NDUFA10: variants seen among roughly 807,000 people sequenced by gnomAD.
The protein encoded by NDUFA10 is NADH dehydrogenase [ubiquinone] 1 alpha subcomplex subunit 10, mitochondrial.
NDUFA10 carries 40 observed loss-of-function variants against 47.8 expected under a neutral mutation model. That is an observed-to-expected ratio of 0.84 (90% confidence interval 0.65 to 1.09). NDUFA10 has a LOEUF of 1.09. Among genes scored for constraint, NDUFA10 ranks in the 50% least tolerant of loss-of-function variants. NDUFA10 has a pLI of 0.00. For missense variants in NDUFA10, 413 were observed against 451.1 expected, an observed-to-expected ratio of 0.92 and a Z score of 0.76; for synonymous variants, 183 against 172.2, an observed-to-expected ratio of 1.06 and a Z score of -0.49.
intron 8 of NDUFA10, among the ~76,000 whole-genome samples, chr2:239,990,904 T>C (rs1270946191): frequency 1.3e-5 from 2 of 152,104 alleles, no homozygotes; most frequent in African/African-American, 2.4e-5. Context: ...TTTCAGCTTT[T>C]GGAAAAAAAA....
At chr2:239,905,937 G>A (rs907576297) in intron 4 of NDUFA10, among the ~76,000 whole-genome samples, 2 of 151,932 alleles carry the variant, frequency 1.3e-5, no homozygotes, top group Non-Finnish European at 2.9e-5. Context: ...GTGGAGGCCG[G>A]CCTCCCCTAT....
At chr2:239,936,187 G>A (rs1332092876) in intron 4 of NDUFA10, among the ~76,000 whole-genome samples, 1 of 152,204 alleles carries the variant, frequency 6.6e-6, no homozygotes, top group Non-Finnish European at 1.5e-5. Flanking sequence ...GCGGAGGTGT[G>A]GGCAGCAGAT....
rs1035838296 is a variant in NDUFA10 at position 239,961,654 on chromosome 2, G to A, written c.1000-468C>T. ...GAAGAGGGCCTGCAGAGGCCGGGCC[G>A]CTGGCTGTAAGGGGCCCTTGGCGGA... On this transcript the variant is annotated intron_variant, in intron 9 of 9. Transcript: ENST00000252711. 3.9e-5 allele frequency among the ~76,000 whole-genome samples: 6 copies of A among 152,336 alleles called. 1 individual carries two copies. In the South Asian group the frequency reaches 1.0e-3, roughly 26 times the overall value.
intron 4 of NDUFA10, among the ~76,000 whole-genome samples, chr2:239,912,966 G>A (rs547391514): frequency 2.6e-5 from 4 of 152,300 alleles, no homozygotes; most frequent in East Asian, 1.9e-4. Flanking sequence ...GTCAACATGC[G>A]TATTCTCCTC....
At chr2:239,997,658 A>T (rs1252636855) in intron 8 of NDUFA10, among the ~76,000 whole-genome samples, 3 of 152,248 alleles carry the variant, frequency 2.0e-5, no homozygotes, top group Non-Finnish European at 4.4e-5. Context: ...TGTATTATGA[A>T]CATGAAGAAA....
intron 4 of NDUFA10, among the ~76,000 whole-genome samples, chr2:239,920,217 G>T (rs1693945497): frequency 6.6e-6 from 1 of 152,234 alleles, no homozygotes. Context: ...CAGCAGGAAG[G>T]TGGGGAGAGG....
chr2:239,986,499 G>A (rs1696007834), intron 9 of NDUFA10, among the ~76,000 whole-genome samples: 1 of 152,206 alleles, frequency 6.6e-6, no homozygotes, highest in Non-Finnish European at 1.5e-5. Flanking sequence ...CACTGGAACT[G>A]AAGACACTGG....
At position 239,945,841 on chromosome 2, in the gene NDUFA10, C is replaced by A. The variant is rs1218493083; in HGVS notation, c.294+44233G>T. On this transcript the variant is annotated intron_variant, in intron 4 of 5. Transcript: ENST00000419408. The surrounding 1 kb of genome is among the most constrained non-coding windows in gnomAD (Gnocchi z 4.6). Reference sequence around the variant, plus strand: ...AAGGCCGTCCCCAGGCTTCAAGGGCCCACAGGGCTCCGGGACTGCAAGCCA... The same window carrying A: ...AAGGCCGTCCCCAGGCTTCAAGGGCACACAGGGCTCCGGGACTGCAAGCCA... Among the ~76,000 whole-genome samples the A allele has an allele frequency of 2.0e-5, 2 of 100,614 alleles. No individual in the cohort carries two copies. The highest frequency in any genetic ancestry group is 7.2e-5 in the African/African-American group (2 of 27,964). 66.0% of individuals were successfully genotyped at this position (100,614 alleles called of 152,430 possible).
rs1215087594 is a variant in NDUFA10, at chr2:240,011,818, T to C, written c.670-122A>G. The C allele has an allele frequency of 1.5e-5, 13 of 839,020 alleles. No homozygotes were observed. In the South Asian group the frequency reaches 1.6e-4, roughly 10 times the overall value. The allele number at this position is 839,020 out of a possible 1,614,324, so 52.0% of individuals were successfully genotyped here. A position where few individuals can be genotyped will look rare whatever the true frequency, so the allele number is the denominator to read the frequency against. ...TTTTCTTACAACTCACACCGGGCAC[T>C]GTGGGGACTGCGGGGTGACAGCAAA... On this transcript the variant is annotated intron_variant, in intron 5 of 9. Coordinates refer to ENST00000252711, the MANE Select transcript of NDUFA10 (RefSeq NM_004544.4).
chr2:239,966,193 C>T (rs1367197154), intron 9 of NDUFA10, among the ~76,000 whole-genome samples: 3 of 152,178 alleles, frequency 2.0e-5, no homozygotes, highest in Non-Finnish European at 2.9e-5. Flanking sequence ...CACTGGGAGG[C>T]ACCCTGCCCA....
At chr2:239,978,096 T>A (rs11684834) in intron 9 of NDUFA10, among the ~76,000 whole-genome samples, 1 of 152,066 alleles carries the variant, frequency 6.6e-6, no homozygotes, top group African/African-American at 2.4e-5. Flanking sequence ...CTTGGTGAAC[T>A]GGGATCTCTG....
chr2:239,984,400 C>T (rs1050169239), intron 9 of NDUFA10, among the ~76,000 whole-genome samples: 1 of 152,196 alleles, frequency 6.6e-6, no homozygotes, highest in African/African-American at 2.4e-5. Flanking sequence ...CTGTTCTAAA[C>T]ATTCAAGTTT....
At chr2:240,023,594 C>A (rs1697733184) in intron 1 of NDUFA10, among the ~76,000 whole-genome samples, 1 of 152,112 alleles carries the variant, frequency 6.6e-6, no homozygotes, top group Non-Finnish European at 1.5e-5. Context: ...AATAGAAACC[C>A]TTAAATGTCC....
chr2:239,909,849 A>G (rs1412407006), intron 4 of NDUFA10, among the ~76,000 whole-genome samples: 1 of 152,160 alleles, frequency 6.6e-6, no homozygotes, highest in Non-Finnish European at 1.5e-5. Context: ...TCTGCAATCT[A>G]CCCATCCGAC....
chr2:239,992,539 T>C (rs1322615500), intron 8 of NDUFA10, among the ~76,000 whole-genome samples: 1 of 152,200 alleles, frequency 6.6e-6, no homozygotes, highest in Admixed American at 6.5e-5. Flanking sequence ...TCTGTAGCAC[T>C]GAAATTTCAT....
chr2:239,971,418 T>A (rs1031690934), intron 9 of NDUFA10, among the ~76,000 whole-genome samples: 1 of 152,238 alleles, frequency 6.6e-6, no homozygotes, highest in African/African-American at 2.4e-5. Context: ...CACCTCTGCC[T>A]CCTCGAATCC....
At chr2:240,003,552 T>C (rs1696816836) in intron 8 of NDUFA10, among the ~76,000 whole-genome samples, 2 of 152,238 alleles carry the variant, frequency 1.3e-5, no homozygotes, top group Non-Finnish European at 2.9e-5. Flanking sequence ...TAGCTACTCA[T>C]GTTTCCTGCA....
chr2:240,017,715 T>C, intron 4 of NDUFA10: 3 of 910,820 alleles, frequency 3.3e-6, no homozygotes, highest in Non-Finnish European at 5.2e-6. Flanking sequence ...AAGCACGGGC[T>C]TGCAGTGCTC....
At chr2:239,994,239 C>A (rs1031033600) in intron 8 of NDUFA10, among the ~76,000 whole-genome samples, 2 of 152,178 alleles carry the variant, frequency 1.3e-5, no homozygotes, top group East Asian at 3.8e-4. Context: ...CCTGGCCACA[C>A]AGCAGGAGGT....
Sources: allele counts gnomAD v4.1 joint callset (sites outside exome capture counted in the v4.1 genomes callset), GRCh38; gene constraint gnomAD v4.1.1; non-coding constraint Gnocchi (gnomAD v3.1); transcripts MANE v1.5; gene names NCBI Gene and HGNC (gene_info 2026-07-23, HGNC 2026-07-21).